The following TRIM51G variants were observed in gnomAD, a reference collection of about 807,000 sequenced individuals.
TRIM51G encodes tripartite motif-containing protein 51G.
At chr11:48,975,633 T>A in the TRIM51G span, 7 of 1,406,444 alleles carry the variant, frequency 5.0e-6, 1 homozygote, top group South Asian at 3.5e-5. Context: ...ATAATCCTAC[T>A]GTGTCTGTAG....
chr11:48,979,106 C>A, the TRIM51G span: 2 of 781,502 alleles, frequency 2.6e-6, no homozygotes, highest in Admixed American at 1.7e-5. Flanking sequence ...CATAATCCTG[C>A]AGTGACAATT....
the TRIM51G span, chr11:48,980,932 C>T: frequency 1.0e-5 from 5 of 495,688 alleles, no homozygotes; most frequent in African/African-American, 2.0e-5. Context: ...CTGTTGGTTG[C>T]CATATTCAGG....
At chr11:48,976,013 T>A in the TRIM51G span, 13 of 544,066 alleles carry the variant, frequency 2.4e-5, no homozygotes, top group Middle Eastern at 2.9e-4. Context: ...AAAATAATTT[T>A]AAAAAAGTAT....
the TRIM51G span, chr11:48,978,890 T>A: frequency 2.0e-6 from 3 of 1,489,914 alleles, no homozygotes; most frequent in East Asian, 6.8e-5. Context: ...GCTCCACAAC[T>A]GCTTTATGGC....
At chr11:48,978,858 TG>T in the TRIM51G span, 3 of 1,126,240 alleles carry the variant, frequency 2.7e-6, no homozygotes, top group South Asian at 2.4e-5. Context: ...TGATAACCCA[TG>T]GTCAGTCCGT....
the TRIM51G span, among the ~76,000 whole-genome samples, chr11:48,979,367 A>G: frequency 6.6e-6 from 1 of 152,200 alleles, no homozygotes; most frequent in African/African-American, 2.4e-5. Flanking sequence ...ATTTATAGAA[A>G]GAAAACACAG....
the TRIM51G span, among the ~76,000 whole-genome samples, chr11:48,980,209 T>C: frequency 6.6e-6 from 1 of 151,828 alleles, no homozygotes; most frequent in Non-Finnish European, 1.5e-5. Flanking sequence ...TCAATGAATA[T>C]TACAATAAAT....
chr11:48,980,054 T>A, the TRIM51G span, among the ~76,000 whole-genome samples: 1 of 151,910 alleles, frequency 6.6e-6, no homozygotes, highest in Non-Finnish European at 1.5e-5. Context: ...ACTACTACAC[T>A]CTAACACATC....
At chr11:48,982,031 T>A in the TRIM51G span, among the ~76,000 whole-genome samples, 1 of 152,152 alleles carries the variant, frequency 6.6e-6, no homozygotes, top group Non-Finnish European at 1.5e-5. Flanking sequence ...TGCTTGTCCC[T>A]ATTTCTCTAT....
At chr11:48,979,944 C>G in the TRIM51G span, among the ~76,000 whole-genome samples, 2 of 151,720 alleles carry the variant, frequency 1.3e-5, no homozygotes, top group African/African-American at 4.8e-5. Context: ...TTTCCATGAG[C>G]CTTTTGTCTG....
chr11:48,977,215 C>T, the TRIM51G span: 1 of 961,018 alleles, frequency 1.0e-6, no homozygotes, highest in Non-Finnish European at 1.7e-6. Context: ...ACCATATCAA[C>T]AGCCAAAAAA....
At chr11:48,979,925 CTG>C in the TRIM51G span, among the ~76,000 whole-genome samples, 1 of 151,706 alleles carries the variant, frequency 6.6e-6, no homozygotes, top group South Asian at 2.1e-4. Context: ...TTTTGCTTCT[CTG>C]TGAATTTTTC....
At chr11:48,982,928 A>T in the TRIM51G span, among the ~76,000 whole-genome samples, 1 of 110,592 alleles carries the variant, frequency 9.0e-6, no homozygotes, top group Non-Finnish European at 1.8e-5. Flanking sequence ...CAATTGTACC[A>T]GAGTTGTAAG....
At chr11:48,977,995 A>T in the TRIM51G span, 1 of 402,296 alleles carries the variant, frequency 2.5e-6, no homozygotes, top group Non-Finnish European at 4.9e-6. Context: ...AAAATAGATG[A>T]CTACATGGGG....
the TRIM51G span, chr11:48,978,863 A>G: frequency 8.6e-7 from 1 of 1,167,292 alleles, no homozygotes; most frequent in Non-Finnish European, 1.3e-6. Context: ...ACCCATGGTC[A>G]GTCCGTACCT....
At chr11:48,981,406 C>T in the TRIM51G span, 24 of 1,607,932 alleles carry the variant, frequency 1.5e-5, no homozygotes, top group Non-Finnish European at 1.9e-5. Flanking sequence ...CTTTGTCTCT[C>T]TGTGCGTCCC....
the TRIM51G span, among the ~76,000 whole-genome samples, chr11:48,980,467 A>G: frequency 3.9e-5 from 6 of 152,032 alleles, no homozygotes; most frequent in Non-Finnish European, 8.8e-5. Flanking sequence ...CTAAGGTTGC[A>G]CTCTTGCTCC....
the TRIM51G span, chr11:48,977,158 C>T: frequency 4.2e-5 from 55 of 1,320,062 alleles, no homozygotes; most frequent in Non-Finnish European, 4.8e-5. Flanking sequence ...CAGGCTCAGA[C>T]ACTTGCAGCA....
chr11:48,975,945 T>C, the TRIM51G span: 1 of 729,442 alleles, frequency 1.4e-6, no homozygotes. Flanking sequence ...TTCTCAAATC[T>C]CCATGCAGGA....
Sources: gnomAD v4.1 joint callset for allele counts (sites outside exome capture counted in the v4.1 genomes callset) on GRCh38, gnomAD v4.1.1 for gene constraint, MANE v1.5 for transcripts, NCBI Gene and HGNC (gene_info 2026-07-23, HGNC 2026-07-21) for gene names.